Variants in ZNF304 observed in about 807,000 individuals in gnomAD.
ZNF304 encodes KRAB-containing zinc finger protein.
Under a neutral mutation model 7.8 loss-of-function variants are expected in ZNF304, and 7 were observed. The ratio of observed to expected loss-of-function variants is 0.90; its 90% CI spans 0.51 to 1.69. The LOEUF (loss-of-function observed/expected upper bound fraction) is 1.69. ZNF304 is among the 40% of genes most tolerant of loss of function. The pLI is 0.00. For missense variants in ZNF304, 669 were observed against 804.8 expected, an observed-to-expected ratio of 0.83 and a Z score of 2.04; for synonymous variants, 280 against 272.4, an observed-to-expected ratio of 1.03 and a Z score of -0.27.
chr19:57,358,008 G>A lies in ZNF304; in HGVS notation c.*159G>A, dbSNP rs2088371209. 3 of 886,128 alleles carry A rather than the reference G, an allele frequency of 3.4e-6. No homozygotes were observed. The highest frequency in any genetic ancestry group is 2.8e-5 in the Admixed American group (1 of 35,554). 54.9% of individuals were successfully genotyped at this position (886,128 alleles called of 1,614,324 possible). A position where few individuals can be genotyped will look rare whatever the true frequency, so the allele number is the denominator to read the frequency against. On this transcript the variant is annotated 3_prime_UTR_variant, in exon 3 of 3. Transcript: ENST00000282286. Reference sequence around the variant, plus strand: ...GCACCGTATATTCATTCCACCCTGGGGAGATTCCTGATAAGCACCACATAT... The same window carrying A: ...GCACCGTATATTCATTCCACCCTGGAGAGATTCCTGATAAGCACCACATAT...
chr19:57,353,883 A>C, intron 2 of ZNF304, 32 bp downstream of exon 2: 1 of 1,484,794 alleles, frequency 6.7e-7, no homozygotes, highest in Non-Finnish European at 9.0e-7. Flanking sequence ...CTAATGCTAC[A>C]TGGCAAATTA....
Position 57,356,859 on chromosome 19 carries a change from T to G in ZNF304, c.990T>G (p.Thr330=), listed in dbSNP as rs769126008. Residue 330 remains threonine, a synonymous_variant, in exon 3 of 3, where the codon ACT becomes ACG. Coordinates refer to ENST00000282286, the MANE Select transcript of ZNF304 (RefSeq NM_020657.4). ...DTLVQHQRVH[T]GERSYDCSEC... is the part of the protein sequence containing the mutation. ...TTGTTCAGCATCAGAGAGTTCACAC[T>G]GGAGAAAGATCTTATGACTGCAGTG... is the stretch of plus-strand genomic sequence containing the variant. The G allele has an allele frequency of 6.2e-7, 1 of 1,614,026 alleles. No homozygotes were observed. Among genetic ancestry groups the G allele is most frequent in the Non-Finnish European group, 8.5e-7 (1 of 1,179,994 alleles).
rs924056160 is a variant in ZNF304, at chr19:57,351,746, T to C, written c.33+49T>C. 5.7e-6 allele frequency: 9 copies of C among 1,568,080 alleles called. No individual in the cohort carries two copies. The highest frequency in any genetic ancestry group is 7.8e-6 in the Non-Finnish European group (9 of 1,153,740). Reference sequence around the variant, plus strand: ...GCACCCCGGCCTGGTTGGTGTGTCCTGGGATGTTCGCTCTCATCGCGCACT... The same window carrying C: ...GCACCCCGGCCTGGTTGGTGTGTCCCGGGATGTTCGCTCTCATCGCGCACT... On this transcript the variant is annotated intron_variant, in intron 1 of 2. Transcript: ENST00000282286. The surrounding 1 kb of genome is among the most constrained non-coding windows in gnomAD (Gnocchi z 4.1).
rs758653509 is a variant in ZNF304, at chr19:57,356,346, A to G, written c.477A>G (p.Thr159=). 1 of 1,614,230 alleles carries G rather than the reference A, an allele frequency of 6.2e-7. No homozygotes were observed. Among genetic ancestry groups the G allele is most frequent in the Non-Finnish European group, 8.5e-7 (1 of 1,180,040 alleles). The change falls in exon 3 of 3, where the codon ACA becomes ACG. Residue 159 remains threonine (T), a synonymous_variant. Transcript: ENST00000282286. ...DGGASFVKSC[T]VHMLGRSFTC... ...GGGCCTCATTTGTGAAGAGCTGTAC[A>G]GTCCACATGTTAGGGAGATCCTTTA...
rs2088279296 is a variant in ZNF304 at position 57,351,867 on chromosome 19, C to T, written c.33+170C>T. On this transcript the variant is annotated intron_variant, in intron 1 of 2. Coordinates refer to ENST00000282286, the MANE Select transcript of ZNF304 (RefSeq NM_020657.4). The surrounding 1 kb of genome is among the most constrained non-coding windows in gnomAD (Gnocchi z 4.1). ...CGGACTCGAAGGCGCAGGGGCAGTT[C>T]GTACAAATGCATGCATGGAGAGGAG... 3.2e-6 allele frequency: 2 copies of T among 629,666 alleles called. No homozygotes were observed. The highest frequency in any genetic ancestry group is 5.3e-6 in the Non-Finnish European group (2 of 377,352). 39.0% of individuals were successfully genotyped at this position (629,666 alleles called of 1,614,324 possible). A position where few individuals can be genotyped will look rare whatever the true frequency, so the allele number is the denominator to read the frequency against.
chr19:57,355,141 G>A lies in ZNF304; in HGVS notation c.161-889G>A. 4.4e-6 allele frequency: 3 copies of A among 676,268 alleles called. No individual in the cohort carries two copies. The Admixed American group carries it at 6.2e-5, about 14-fold the overall frequency. The allele number at this position is 676,268 out of a possible 1,614,324, so 41.9% of individuals were successfully genotyped here. A position where few individuals can be genotyped will look rare whatever the true frequency, so the allele number is the denominator to read the frequency against. On this transcript the variant is annotated intron_variant, in intron 2 of 2. Transcript: ENST00000282286. ...GCCAGGAATTTCAGGGGCTGACACA[G>A]TCACTTCTTGTGGTGATTACAGGGC...
chr19:57,356,735 T>C lies in ZNF304; in HGVS notation c.866T>C (p.Ile289Thr), dbSNP rs1469511666. The change falls in exon 3 of 3, where the codon ATT becomes ACT. Residue 289 changes from isoleucine to threonine, a missense_variant. Physicochemically the swap from Ile to Thr is moderately conservative, Grantham distance 89. Transcript: ENST00000282286. ...HVCKECGKAF[I>T]HLHHLKMHQK... is the part of the protein sequence containing the mutation. ...TGTAAGGAGTGTGGAAAAGCCTTCATTCACTTGCACCACCTAAAAATGCAC... is the reference window on the plus strand; with the variant it reads ...TGTAAGGAGTGTGGAAAAGCCTTCACTCACTTGCACCACCTAAAAATGCAC... 6.2e-7 allele frequency: 1 copy of C among 1,614,098 alleles called. No homozygotes were observed. The highest frequency in any genetic ancestry group is 2.2e-5 in the East Asian group (1 of 44,898).
chr19:57,352,649 T>C (rs2088289462), intron 1 of ZNF304: 1 of 152,294 alleles, frequency 6.6e-6, no homozygotes, highest in African/African-American at 2.4e-5. Flanking sequence ...TCTCTCTGGC[T>C]TTCAGGTTGA....
At chr19:57,352,415 G>A (rs1008143904) in intron 1 of ZNF304, among the ~76,000 whole-genome samples, 1 of 152,162 alleles carries the variant, frequency 6.6e-6, no homozygotes, top group Non-Finnish European at 1.5e-5. Context: ...AATGGGATGA[G>A]TACTGCAAAA....
chr19:57,356,044 G>A lies in ZNF304; in HGVS notation c.175G>A (p.Ala59Thr), dbSNP rs769899935. ...LVATLGFWCE[A>T]EHEAPSEQSV... ...TTTGCTTTCAGGTTTTTGGTGTGAA[G>A]CAGAACATGAGGCACCTTCTGAGCA... The change falls in exon 3 of 3, where the codon GCA becomes ACA. Residue 59 changes from alanine to threonine, a missense_variant. Ala to Thr is a moderately conservative substitution (Grantham distance 58). Coordinates refer to ENST00000282286, the MANE Select transcript of ZNF304 (RefSeq NM_020657.4). 1 of 1,601,578 alleles carries A rather than the reference G, an allele frequency of 6.2e-7. No individual in the cohort carries two copies. The highest frequency in any genetic ancestry group is 8.5e-7 in the Non-Finnish European group (1 of 1,172,016).
rs1330186766 is a variant in ZNF304 at position 57,356,022 on chromosome 19, G to T, written c.161-8G>T. 1.9e-6 allele frequency: 3 copies of T among 1,582,876 alleles called. No homozygotes were observed. The highest frequency in any genetic ancestry group is 1.8e-5 in the Admixed American group (1 of 54,806). On this transcript the variant is annotated splice_polypyrimidine_tract_variant and splice_region_variant and intron_variant, in intron 2 of 2. Coordinates refer to ENST00000282286, the MANE Select transcript of ZNF304 (RefSeq NM_020657.4). Reference sequence around the variant, plus strand: ...GCATGCACTTCACCAGCTCTTTTTTGCTTTCAGGTTTTTGGTGTGAAGCAG... The same window carrying T: ...GCATGCACTTCACCAGCTCTTTTTTTCTTTCAGGTTTTTGGTGTGAAGCAG...
intron 2 of ZNF304, among the ~76,000 whole-genome samples, chr19:57,355,596 G>A (rs2088324878): frequency 6.6e-6 from 1 of 152,090 alleles, no homozygotes; most frequent in South Asian, 2.1e-4. Context: ...TCTGGCCTCC[G>A]TGTTTCAATT....
In ZNF304 at chr19:57,353,752, G is replaced by T; in HGVS notation, c.61G>T (p.Val21Leu). 1.2e-6 allele frequency: 2 copies of T among 1,613,294 alleles called. No individual in the cohort carries two copies. Among genetic ancestry groups the T allele is most frequent in the Non-Finnish European group, 1.7e-6 (2 of 1,179,584 alleles). ...QSCVTFEDVF[V>L]YFSREEWELL... ...TTGTGTGACCTTCGAGGATGTGTTC[G>T]TGTACTTCTCTCGGGAGGAGTGGGA... Residue 21 changes from valine (V) to leucine (L), a missense_variant, in exon 2 of 3, where the codon GTG (valine) becomes TTG (leucine). Val to Leu is a conservative substitution (Grantham distance 32, BLOSUM62 1). Coordinates refer to ENST00000282286, the MANE Select transcript of ZNF304 (RefSeq NM_020657.4).
chr19:57,352,531 A>C (rs778123580), intron 1 of ZNF304: 15 of 152,214 alleles, frequency 9.9e-5, no homozygotes, highest in Non-Finnish European at 1.9e-4. Flanking sequence ...CAGGTATCAG[A>C]GGAAGGAGTT....
chr19:57,354,965 A>C (rs2088316922), intron 2 of ZNF304, among the ~76,000 whole-genome samples: 1 of 152,096 alleles, frequency 6.6e-6, no homozygotes, highest in South Asian at 2.1e-4. Context: ...GCTTTGCAGG[A>C]AAAGGTTAGG....
Position 57,351,346 on chromosome 19 carries a change from G to C in ZNF304, c.-319G>C, listed in dbSNP as rs963184806. ...TAGAGATCGGGTCGGCTTTCTACGC[G>C]GCTCTCGTGGAACCTAGCAAAGAAA... On this transcript the variant is annotated 5_prime_UTR_variant, in exon 1 of 3. Coordinates refer to ENST00000282286, the MANE Select transcript of ZNF304 (RefSeq NM_020657.4). This position sits in a 1 kb window ranked among gnomAD's most constrained non-coding sequence, Gnocchi z 4.1. 2.6e-6 allele frequency: 1 copy of C among 385,714 alleles called. No individual in the cohort carries two copies. Among genetic ancestry groups the C allele is most frequent in the Non-Finnish European group, 4.7e-6 (1 of 212,102 alleles). The allele number at this position is 385,714 out of a possible 1,614,324, so 23.9% of individuals were successfully genotyped here.
Position 57,356,789 on chromosome 19 carries a change from A to G in ZNF304, c.920A>G (p.Tyr307Cys), listed in dbSNP as rs1270595075. Residue 307 changes from tyrosine to cysteine, a missense_variant, in exon 3 of 3, where the codon TAT (tyrosine) becomes TGT (cysteine). Physicochemically the swap from Tyr to Cys is radical, Grantham distance 194. Coordinates refer to ENST00000282286, the MANE Select transcript of ZNF304 (RefSeq NM_020657.4). ...AAATTTCACACTGGAAAAAGACACT[A>G]TACATGCAGTGAATGTGGGAAGGCC... ...HQKFHTGKRH[Y>C]TCSECGKAFS... The G allele has an allele frequency of 7.4e-6, 12 of 1,614,248 alleles. No individual in the cohort carries two copies. The highest frequency in any genetic ancestry group is 1.1e-5 in the South Asian group (1 of 91,090).
intron 2 of ZNF304, among the ~76,000 whole-genome samples, chr19:57,354,515 A>T (rs2088312878): frequency 6.6e-6 from 1 of 152,192 alleles, no homozygotes; most frequent in Non-Finnish European, 1.5e-5. Context: ...GCCTGTCTGT[A>T]TTGTACCTTA....
chr19:57,354,455 C>T (rs2088312257), intron 2 of ZNF304, among the ~76,000 whole-genome samples: 2 of 152,224 alleles, frequency 1.3e-5, no homozygotes, highest in Admixed American at 1.3e-4. Context: ...GCTTGTTGGA[C>T]TGTGAGCACT....
Sources: gnomAD v4.1 joint callset for allele counts (sites outside exome capture counted in the v4.1 genomes callset) on GRCh38, gnomAD v4.1.1 for gene constraint, Gnocchi (gnomAD v3.1) non-coding constraint, MANE v1.5 for transcripts, NCBI Gene and HGNC (gene_info 2026-07-23, HGNC 2026-07-21) for gene names.